TMEM132B: variants seen among roughly 807,000 people sequenced by gnomAD.
The protein encoded by TMEM132B is transmembrane protein 132B.
In TMEM132B, 18 loss-of-function variants were observed where a neutral mutation model predicts 90.8. The observed-to-expected ratio is 0.20, with a 90% CI of 0.14 to 0.29. The LOEUF is 0.29. Ranked by LOEUF, TMEM132B falls within the 10% of genes least tolerant of loss-of-function variation. The pLI is 1.00. For synonymous variants in TMEM132B, 504 were observed against 523.3 expected (o/e 0.96, Z 0.50); for missense variants, 1,096 against 1,326.8 (o/e 0.83, Z 2.70).
intron 1 of TMEM132B, among the ~76,000 whole-genome samples, chr12:125,337,391 G>T (rs996012214): frequency 1.3e-5 from 2 of 152,004 alleles, no homozygotes; most frequent in Non-Finnish European, 2.9e-5. Context: ...AGGTTCCAGG[G>T]CCGGGGCTCC....
chr12:125,634,220 C>T (rs1886429613), intron 5 of TMEM132B, among the ~76,000 whole-genome samples: 1 of 152,196 alleles, frequency 6.6e-6, no homozygotes, highest in African/African-American at 2.4e-5. Context: ...CACCACAGGC[C>T]TACAGAGTAC....
intron 3 of TMEM132B, among the ~76,000 whole-genome samples, chr12:125,473,243 G>A (rs932853206): frequency 2.0e-5 from 3 of 152,064 alleles, no homozygotes; most frequent in African/African-American, 7.2e-5. Context: ...TCACCTGGTG[G>A]GTCCCCCTCC....
Position 125,519,739 on chromosome 12 carries a change from A to G in TMEM132B, c.1293+114A>G, listed in dbSNP as rs549665550. ...CTGATACACTGTTTAAACAAGGAAAATATACTTAAATTGCATTTGATCTAC... is the reference window on the plus strand; with the variant it reads ...CTGATACACTGTTTAAACAAGGAAAGTATACTTAAATTGCATTTGATCTAC... On this transcript the variant is annotated intron_variant, in intron 4 of 8. Transcript: ENST00000682704. The G allele has an allele frequency of 1.4e-4, 144 of 1,061,098 alleles. No homozygotes were observed. In the African/African-American group the frequency reaches 2.1e-3, roughly 15 times the overall value. The allele number at this position is 1,061,098 out of a possible 1,614,324, so 65.7% of individuals were successfully genotyped here.
intron 5 of TMEM132B, among the ~76,000 whole-genome samples, chr12:125,593,826 C>T (rs1004656476): frequency 2.1e-4 from 32 of 152,114 alleles, no homozygotes; most frequent in African/African-American, 3.1e-4. Context: ...ATGTAGACAA[C>T]GGTATGAATG....
intron 1 of TMEM132B, among the ~76,000 whole-genome samples, chr12:125,256,518 AT>A (rs1311588651): frequency 3.3e-5 from 5 of 152,348 alleles, no homozygotes; most frequent in African/African-American, 7.2e-5. Flanking sequence ...AGCCACACCC[AT>A]CATTTACATA....
rs1882767089 is a variant in TMEM132B at position 125,504,023 on chromosome 12, G to C, written c.1107-15416G>C. 2.6e-5 allele frequency among the ~76,000 whole-genome samples: 4 copies of C among 152,174 alleles called. No individual in the cohort carries two copies. The South Asian group carries it at 8.3e-4, about 32-fold the overall frequency. On this transcript the variant is annotated intron_variant, in intron 3 of 8. Coordinates refer to ENST00000682704, the MANE Select transcript of TMEM132B (RefSeq NM_001366854.1). ...GAGGCTGTTGTAATTAATACAATGGGCCAAGTCACAGACGTGATACAATCA... is the reference window on the plus strand; with the variant it reads ...GAGGCTGTTGTAATTAATACAATGGCCCAAGTCACAGACGTGATACAATCA...
intron 3 of TMEM132B, among the ~76,000 whole-genome samples, chr12:125,452,384 G>C (rs1439524997): frequency 6.6e-6 from 1 of 152,138 alleles, no homozygotes; most frequent in African/African-American, 2.4e-5. Context: ...AGCCATTCTT[G>C]CATTGACAGA....
chr12:125,209,029 C>T lies in TMEM132B; in HGVS notation c.67+22163C>T, dbSNP rs757693149. 1.3e-4 allele frequency among the ~76,000 whole-genome samples: 20 copies of T among 152,102 alleles called. No individual in the cohort carries two copies. The highest frequency in any genetic ancestry group is 2.4e-4 in the Non-Finnish European group (16 of 68,022). On this transcript the variant is annotated intron_variant, in intron 1 of 8. Coordinates refer to ENST00000682704, the MANE Select transcript of TMEM132B (RefSeq NM_001366854.1). The surrounding 1 kb of genome is among the most constrained non-coding windows in gnomAD (Gnocchi z 4.4). The stretch of plus-strand genomic sequence containing the variant: ...CGGCCACTCGAATGTCAACTGAGCC[C>T]GGGGTTATTGATTTACAGGAGGCAG...
chr12:125,621,700 C>A (rs2136970870), intron 5 of TMEM132B, among the ~76,000 whole-genome samples: 1 of 152,258 alleles, frequency 6.6e-6, no homozygotes, highest in Admixed American at 6.5e-5. Flanking sequence ...CAAGATGAAC[C>A]TATTTCTTAC....
intron 1 of TMEM132B, among the ~76,000 whole-genome samples, chr12:125,212,931 G>C (rs1457733719): frequency 2.0e-5 from 3 of 151,930 alleles, no homozygotes; most frequent in Non-Finnish European, 4.4e-5. Flanking sequence ...AAAAACCGAG[G>C]ATAAGTTCAC....
At chr12:125,226,737 G>A (rs896425632) in intron 1 of TMEM132B, among the ~76,000 whole-genome samples, 3 of 152,186 alleles carry the variant, frequency 2.0e-5, no homozygotes, top group African/African-American at 7.2e-5. Context: ...TAAAATCTAC[G>A]TGTCAGGGTT....
intron 5 of TMEM132B, among the ~76,000 whole-genome samples, chr12:125,618,271 A>G (rs1952440361): frequency 6.6e-6 from 1 of 152,180 alleles, no homozygotes; most frequent in African/African-American, 2.4e-5. Flanking sequence ...AGTAGTCTCA[A>G]CTTGCCATGC....
chr12:125,493,430 T>C (rs1010202394), intron 3 of TMEM132B, among the ~76,000 whole-genome samples: 1 of 151,694 alleles, frequency 6.6e-6, no homozygotes, highest in East Asian at 1.9e-4. Context: ...CCCTGCAGAG[T>C]GGAGACAGAG....
intron 4 of TMEM132B, among the ~76,000 whole-genome samples, chr12:125,527,056 A>G (rs1247231256): frequency 7.0e-6 from 1 of 142,608 alleles, no homozygotes; most frequent in Non-Finnish European, 1.5e-5. Flanking sequence ...CCACCCTTCC[A>G]TCCACCCATT....
intron 1 of TMEM132B, among the ~76,000 whole-genome samples, chr12:125,206,807 AG>A (rs1479064202): frequency 6.6e-6 from 1 of 152,228 alleles, no homozygotes; most frequent in Non-Finnish European, 1.5e-5. Flanking sequence ...GGTGGCAGCC[AG>A]CTACCTTCAT....
intron 1 of TMEM132B, among the ~76,000 whole-genome samples, chr12:125,191,698 C>T (rs77985813): frequency 0.021 from 3,195 of 152,328 alleles, 50 homozygotes; most frequent in Admixed American, 0.034. Flanking sequence ...TCAAACACAT[C>T]AGAGTCAACT....
intron 1 of TMEM132B, among the ~76,000 whole-genome samples, chr12:125,269,977 C>T (rs916103025): frequency 3.3e-5 from 5 of 151,378 alleles, no homozygotes; most frequent in African/African-American, 1.2e-4. Context: ...CCCAGGAGTT[C>T]GAGGCTGCAC....
At chr12:125,542,462 A>G (rs77528399) in intron 4 of TMEM132B, among the ~76,000 whole-genome samples, 1 of 152,192 alleles carries the variant, frequency 6.6e-6, no homozygotes, top group East Asian at 1.9e-4. Context: ...TCATCTTACA[A>G]AACTCAAACT....
At chr12:125,243,098 TA>T (rs1399723545) in intron 1 of TMEM132B, among the ~76,000 whole-genome samples, 1 of 102,620 alleles carries the variant, frequency 9.7e-6, no homozygotes, top group African/African-American at 3.5e-5. Flanking sequence ...TACATATACA[TA>T]TATATATACA....
Sources: allele counts gnomAD v4.1 joint callset (sites outside exome capture counted in the v4.1 genomes callset), GRCh38; gene constraint gnomAD v4.1.1; non-coding constraint Gnocchi (gnomAD v3.1); transcripts MANE v1.5; gene names NCBI Gene and HGNC (gene_info 2026-07-23, HGNC 2026-07-21).